NCAPD3: variants seen among roughly 807,000 people sequenced by gnomAD.
NCAPD3 encodes non-SMC condensin II complex subunit D3.
NCAPD3 carries 105 observed loss-of-function variants against 182.9 expected under a neutral mutation model. That is an observed-to-expected ratio of 0.57 (90% CI 0.49 to 0.68). The LOEUF (loss-of-function observed/expected upper bound fraction) is 0.68. NCAPD3 is among the 30% of genes least tolerant of loss of function. The pLI is 0.00. For missense variants in NCAPD3, 1,944 were observed against 1,837.0 expected (o/e 1.06, Z -1.07); for synonymous variants, 815 against 679.9 (o/e 1.20, Z -3.09).
At chr11:134,168,353 G>A in intron 26 of NCAPD3, 116 bp downstream of exon 26, 1 of 1,516,684 alleles carries the variant, frequency 6.6e-7, no homozygotes, top group Non-Finnish European at 9.1e-7. Flanking sequence ...AGGACAAGAT[G>A]ACAGGGGTCT....
chr11:134,187,100 A>C (rs1944424355), intron 16 of NCAPD3, among the ~76,000 whole-genome samples: 1 of 152,124 alleles, frequency 6.6e-6, no homozygotes, highest in Non-Finnish European at 1.5e-5. Context: ...CCAGCCTCCC[A>C]GCCCAGCTGA....
Position 134,208,884 on chromosome 11 carries a change from T to C in NCAPD3, c.862A>G (p.Ile288Val), listed in dbSNP as rs1937716819. Residue 288 changes from isoleucine (I) to valine (V), a missense_variant, in exon 7 of 35, where the codon ATT (isoleucine) becomes GTT (valine). By Grantham distance (29) the Ile-to-Val change is conservative (BLOSUM62 3). Transcript: ENST00000534548. ...YYGLYLLCSP[I>V]HGEGDKVISC... ...TTTACCTTATCTCCTTCTCCATGAA[T>C]GGGAGAGCACAGCAAATACAATCCA... 6.2e-7 allele frequency: 1 copy of C among 1,612,528 alleles called. No individual in the cohort carries two copies. The highest frequency in any genetic ancestry group is 8.5e-7 in the Non-Finnish European group (1 of 1,179,314).
chr11:134,178,624 T>G lies in NCAPD3; in HGVS notation c.2782+10A>C. 6.6e-7 allele frequency: 1 copy of G among 1,523,636 alleles called. No individual in the cohort carries two copies. Among genetic ancestry groups the G allele is most frequent in the Non-Finnish European group, 8.8e-7 (1 of 1,132,114 alleles). 94.4% of individuals were successfully genotyped at this position (1,523,636 alleles called of 1,614,324 possible). On this transcript the variant is annotated intron_variant, in intron 22 of 34. Coordinates refer to ENST00000534548, the MANE Select transcript of NCAPD3 (RefSeq NM_015261.3). ...CGATGTCAAGCCCCATTCTCCCATG[T>G]TTTTCTTACCTAAGGTAATGATGGC...
rs772660605 is a variant in NCAPD3 at position 134,178,677 on chromosome 11, A to G, written c.2739T>C (p.Ser913=). ...ASQPPPQVRG[S]VMPSVIRAHA... ...GTGCTCTAATCACAGAGGGCATGAC[A>G]GAACCTCTGACCTGGGGGGGTGGCT... The change falls in exon 22 of 35, where the codon TCT becomes TCC. Residue 913 remains serine (S), a synonymous_variant. Transcript: ENST00000534548. 6.3e-7 allele frequency: 1 copy of G among 1,597,420 alleles called. No homozygotes were observed. Among genetic ancestry groups the G allele is most frequent in the South Asian group, 1.1e-5 (1 of 88,448 alleles).
intron 24 of NCAPD3, among the ~76,000 whole-genome samples, chr11:134,174,092 C>A (rs779940521): frequency 3.3e-5 from 5 of 151,944 alleles, no homozygotes; most frequent in Non-Finnish European, 7.4e-5. Flanking sequence ...TTAGCAGAAA[C>A]ACACGAAAAA....
intron 3 of NCAPD3, among the ~76,000 whole-genome samples, chr11:134,216,073 A>T (rs1307645046): frequency 6.6e-6 from 1 of 152,196 alleles, no homozygotes; most frequent in African/African-American, 2.4e-5. Context: ...GGGTTTCTAA[A>T]ACCACTACTT....
Position 134,169,017 on chromosome 11 carries a change from T to C in NCAPD3, c.3139A>G (p.Arg1047Gly). Residue 1047 changes from arginine (R) to glycine (G), a missense_variant, in exon 25 of 35, where the codon AGG becomes GGG. Physicochemically the swap from Arg to Gly is moderately radical, Grantham distance 125. This residue lies in a region of NCAPD3 where 1,803 missense variants were observed against 1,674.6 expected (regional missense o/e 1.08). Coordinates refer to ENST00000534548, the MANE Select transcript of NCAPD3 (RefSeq NM_015261.3). ...EFCLAHLLLKRNPVMFFQHFI... is the reference protein window; with the variant it reads ...EFCLAHLLLKGNPVMFFQHFI... Reference sequence around the variant, plus strand: ...TGTTGGAAGAACATGACAGGGTTCCTCTTCAGTAACAGGTGAGCCAGGCAA... The same window carrying C: ...TGTTGGAAGAACATGACAGGGTTCCCCTTCAGTAACAGGTGAGCCAGGCAA... The C allele has an allele frequency of 6.2e-7, 1 of 1,614,126 alleles. No homozygotes were observed.
chr11:134,202,488 C>G (rs1198474154), intron 13 of NCAPD3, among the ~76,000 whole-genome samples: 5 of 152,032 alleles, frequency 3.3e-5, no homozygotes, highest in Non-Finnish European at 5.9e-5. Flanking sequence ...AGCCATCCTC[C>G]CACCTCAGCC....
At chr11:134,163,572 T>C (rs1591823846) in intron 27 of NCAPD3, among the ~76,000 whole-genome samples, 1 of 151,556 alleles carries the variant, frequency 6.6e-6, no homozygotes, top group Non-Finnish European at 1.5e-5. Context: ...TGGTGGCTGG[T>C]GCCTGTAGTC....
At chr11:134,155,976 G>A (rs181838937) in intron 32 of NCAPD3, among the ~76,000 whole-genome samples, 3 of 152,330 alleles carry the variant, frequency 2.0e-5, no homozygotes, top group African/African-American at 7.2e-5. Flanking sequence ...CAAGCAAGTA[G>A]CTAGAATACA....
At chr11:134,180,563 C>G (rs534163999) in intron 20 of NCAPD3, among the ~76,000 whole-genome samples, 37 of 152,302 alleles carry the variant, frequency 2.4e-4, no homozygotes, top group African/African-American at 8.7e-4. Flanking sequence ...AGGGGTGCCA[C>G]AGAAAACAAT....
At chr11:134,190,393 CTTAA>C (rs1167757441) in intron 16 of NCAPD3, among the ~76,000 whole-genome samples, 1 of 152,188 alleles carries the variant, frequency 6.6e-6, no homozygotes, top group Non-Finnish European at 1.5e-5. Context: ...AATGGCTATG[CTTAA>C]TTTAGATTTA....
At chr11:134,195,952 C>T (rs1267100370) in intron 13 of NCAPD3, among the ~76,000 whole-genome samples, 3 of 151,948 alleles carry the variant, frequency 2.0e-5, no homozygotes, top group East Asian at 1.9e-4. Context: ...CTTCAAGGAC[C>T]CCTGAGGGTT....
chr11:134,157,320 A>G (rs920712905), intron 31 of NCAPD3, among the ~76,000 whole-genome samples: 1 of 152,216 alleles, frequency 6.6e-6, no homozygotes, highest in Non-Finnish European at 1.5e-5. Context: ...CTAACTTGGC[A>G]TAAGTGATAG....
intron 27 of NCAPD3, among the ~76,000 whole-genome samples, chr11:134,167,737 AGAT>A (rs551921278): frequency 1.6e-5 from 2 of 126,078 alleles, no homozygotes; most frequent in Non-Finnish European, 3.2e-5. Context: ...CACACTCGTG[AGAT>A]GAGCTTAGGG....
Position 134,151,078 on chromosome 11 carries a change from T to C in NCAPD3, c.*1866A>G, listed in dbSNP as rs1019979445. On this transcript the variant is annotated 3_prime_UTR_variant, in exon 35 of 35. Coordinates refer to ENST00000534548, the MANE Select transcript of NCAPD3 (RefSeq NM_015261.3). ...TGCTGGACTCAGGACTGAAGTGCTG[T>C]AAAGCAAGGAGCTGCTGAGAAGGAG... 2 of 152,310 alleles carry C rather than the reference T, an allele frequency of 1.3e-5. No homozygotes were observed. The highest frequency in any genetic ancestry group is 2.9e-5 in the Non-Finnish European group (2 of 68,080). 9.4% of individuals were successfully genotyped at this position (152,310 alleles called of 1,614,324 possible).
In NCAPD3 at chr11:134,157,068, G is replaced by C; in HGVS notation, c.4202C>G (p.Ser1401Trp). ...QVSSYSLEQESNGEIEHVTKR... is the reference protein window; with the variant it reads ...QVSSYSLEQEWNGEIEHVTKR... ...GGTCACGTGCTCAATCTCGCCATTC[G>C]ACTCTTGCTCCAAACTGTATGAAGA... The change falls in exon 32 of 35, where the codon TCG becomes TGG. Residue 1401 changes from serine (S) to tryptophan (W), a missense_variant. Physicochemically the swap from Ser to Trp is radical, Grantham distance 177. Around this residue, in one of 3 missense-constraint regions of NCAPD3, gnomAD observed 1,803 missense variants for 1,674.6 expected, o/e 1.08. Transcript: ENST00000534548. 1.2e-6 allele frequency: 2 copies of C among 1,613,614 alleles called. No individual in the cohort carries two copies. The highest frequency in any genetic ancestry group is 1.7e-6 in the Non-Finnish European group (2 of 1,179,766).
intron 32 of NCAPD3, among the ~76,000 whole-genome samples, chr11:134,154,927 G>A (rs1339199799): frequency 6.6e-6 from 1 of 152,130 alleles, no homozygotes; most frequent in Non-Finnish European, 1.5e-5. Context: ...TTCTGTTTCG[G>A]TGAAGTCTCT....
intron 16 of NCAPD3, among the ~76,000 whole-genome samples, chr11:134,187,449 CCTCT>C (rs946648991): frequency 6.6e-6 from 1 of 152,110 alleles, no homozygotes; most frequent in Non-Finnish European, 1.5e-5. Context: ...TCCAGCACTC[CCTCT>C]GTCCTCAACC....
Sources: allele counts gnomAD v4.1 joint callset (sites outside exome capture counted in the v4.1 genomes callset), GRCh38; gene constraint gnomAD v4.1.1; regional missense constraint gnomAD v4.1.1; transcripts MANE v1.5; gene names NCBI Gene and HGNC (gene_info 2026-07-23, HGNC 2026-07-21).